GLIS3: variants seen among roughly 807,000 people sequenced by gnomAD.
The protein encoded by GLIS3 is GLIS family zinc finger 3, also known as zinc finger protein GLIS3.
Under a neutral mutation model 78.6 loss-of-function variants are expected in GLIS3, and 53 were observed. That is an observed-to-expected ratio of 0.67 (90% CI 0.54 to 0.85). The LOEUF is 0.85. Ranked by LOEUF, GLIS3 falls within the 40% of genes least tolerant of loss-of-function variation. GLIS3 has a pLI of 0.00. For missense variants in GLIS3, 1,703 were observed against 1,231.1 expected, an observed-to-expected ratio of 1.38 and a Z score of -5.74; for synonymous variants, 684 against 509.9, an observed-to-expected ratio of 1.34 and a Z score of -4.60.
the GLIS3 span, among the ~76,000 whole-genome samples, chr9:4,371,867 T>G: frequency 1.1e-4 from 16 of 152,240 alleles, no homozygotes; most frequent in African/African-American, 3.9e-4. Flanking sequence ...TTAGTTCTTT[T>G]GAATATCACA....
intron 4 of GLIS3, among the ~76,000 whole-genome samples, chr9:4,036,680 T>C (rs912299048): frequency 6.6e-6 from 1 of 152,136 alleles, no homozygotes. Context: ...AACGGCGCAT[T>C]ACCTGAGAAT....
intron 4 of GLIS3, among the ~76,000 whole-genome samples, chr9:4,045,683 A>C (rs1411649209): frequency 6.6e-6 from 1 of 152,120 alleles, no homozygotes; most frequent in Non-Finnish European, 1.5e-5. Flanking sequence ...AAAAAGAAGA[A>C]GTCCTGGCCC....
At chr9:3,834,396 G>A (rs911781894) in intron 9 of GLIS3, among the ~76,000 whole-genome samples, 1 of 152,212 alleles carries the variant, frequency 6.6e-6, no homozygotes, top group African/African-American at 2.4e-5. Flanking sequence ...TATCTGTGCT[G>A]TCCAATACAG....
At chr9:4,355,521 G>T in the GLIS3 span, among the ~76,000 whole-genome samples, 2 of 152,164 alleles carry the variant, frequency 1.3e-5, no homozygotes, top group Non-Finnish European at 2.9e-5. Flanking sequence ...ATCAGGTAAA[G>T]AATGAAATGG....
chr9:3,882,514 CAG>C (rs1420960165), intron 7 of GLIS3, among the ~76,000 whole-genome samples: 7 of 151,904 alleles, frequency 4.6e-5, no homozygotes, highest in African/African-American at 1.7e-4. Flanking sequence ...CCACTAGAAA[CAG>C]GTGGTGAAGG....
intron 2 of GLIS3, among the ~76,000 whole-genome samples, chr9:4,181,300 TC>T (rs1211407139): frequency 6.6e-6 from 1 of 152,236 alleles, no homozygotes; most frequent in African/African-American, 2.4e-5. Flanking sequence ...TTTCTGGTCT[TC>T]CGTCGTTCAC....
intron 9 of GLIS3, chr9:3,855,766 G>GA (rs1365511460): frequency 1.1e-4 from 56 of 504,748 alleles, no homozygotes; most frequent in Non-Finnish European, 7.2e-6. Context: ...CCTGGCCAAT[G>GA]AAAAAACCAG....
At chr9:4,278,267 C>T (rs1011272680) in intron 2 of GLIS3, among the ~76,000 whole-genome samples, 12 of 152,218 alleles carry the variant, frequency 7.9e-5, no homozygotes, top group Non-Finnish European at 1.3e-4. Flanking sequence ...TGACATCCCA[C>T]AGTCAACAAG....
At chr9:4,472,721 C>T in the GLIS3 span, among the ~76,000 whole-genome samples, 2 of 151,888 alleles carry the variant, frequency 1.3e-5, no homozygotes, top group African/African-American at 2.4e-5. Flanking sequence ...CAAACCTGCA[C>T]GTTGTGCACA....
chr9:3,859,366 C>A (rs796112507), intron 8 of GLIS3, among the ~76,000 whole-genome samples: 1,578 of 15,222 alleles, frequency 0.1, 26 homozygotes, highest in African/African-American at 0.19. Context: ...CACACACACA[C>A]ACACACACAC....
intron 7 of GLIS3, among the ~76,000 whole-genome samples, chr9:3,885,468 C>T (rs1339040300): frequency 6.6e-6 from 1 of 152,196 alleles, no homozygotes; most frequent in Non-Finnish European, 1.5e-5. Context: ...GTATTACCCA[C>T]ACACTGTGAA....
intron 4 of GLIS3, among the ~76,000 whole-genome samples, chr9:3,947,052 T>C: frequency 6.6e-6 from 1 of 152,136 alleles, no homozygotes; most frequent in Non-Finnish European, 1.5e-5. Context: ...ACAGCCAACC[T>C]CTCAGAATGG....
the GLIS3 span, among the ~76,000 whole-genome samples, chr9:4,378,438 C>T: frequency 1.3e-5 from 2 of 151,868 alleles, no homozygotes; most frequent in Non-Finnish European, 2.9e-5. Context: ...TTTTTTCTTT[C>T]ACCCTCTCAG....
intron 2 of GLIS3, among the ~76,000 whole-genome samples, chr9:4,230,101 G>GT (rs1271371383): frequency 6.6e-6 from 1 of 152,218 alleles, no homozygotes; most frequent in Non-Finnish European, 1.5e-5. Context: ...AAGTGAAATG[G>GT]TATAGGTCAG....
intron 4 of GLIS3, among the ~76,000 whole-genome samples, chr9:3,959,543 C>T (rs189327882): frequency 1.3e-5 from 2 of 152,260 alleles, no homozygotes; most frequent in East Asian, 3.9e-4. Context: ...CCAGCAAGGC[C>T]CATGTGATCC....
At chr9:3,870,945 T>G (rs561657693) in intron 8 of GLIS3, among the ~76,000 whole-genome samples, 127 of 152,306 alleles carry the variant, frequency 8.3e-4, no homozygotes, top group African/African-American at 2.8e-3. Context: ...GCAGGTCTCT[T>G]CCACATATGA....
the GLIS3 span, among the ~76,000 whole-genome samples, chr9:4,376,270 G>C: frequency 2.6e-5 from 4 of 152,256 alleles, no homozygotes; most frequent in East Asian, 7.7e-4. Context: ...ACTTACGAAA[G>C]AAAAACTAAT....
At chr9:4,196,824 A>G (rs1364976156) in intron 2 of GLIS3, among the ~76,000 whole-genome samples, 1 of 151,170 alleles carries the variant, frequency 6.6e-6, no homozygotes, top group African/African-American at 2.5e-5. Flanking sequence ...CTACCACACA[A>G]TGAGATGTGC....
chr9:4,398,528 CCTT>C, the GLIS3 span, among the ~76,000 whole-genome samples: 1 of 151,968 alleles, frequency 6.6e-6, no homozygotes, highest in African/African-American at 2.4e-5. Flanking sequence ...AACATTGCCT[CCTT>C]CTTCTTTCTT....
Sources: allele counts gnomAD v4.1 joint callset (sites outside exome capture counted in the v4.1 genomes callset), GRCh38; gene constraint gnomAD v4.1.1; transcripts MANE v1.5; gene names NCBI Gene and HGNC (gene_info 2026-07-23, HGNC 2026-07-21).